The following ATXN7L1 variants were observed in gnomAD, a reference collection of about 807,000 sequenced individuals.
ATXN7L1 encodes the protein ataxin-7-like protein 1.
ATXN7L1 carries 15 observed loss-of-function variants against 70.8 expected under a neutral mutation model. The ratio of observed to expected loss-of-function variants is 0.21; its 90% CI spans 0.14 to 0.33. The LOEUF is 0.33. Ranked by LOEUF, ATXN7L1 falls within the 10% of genes least tolerant of loss-of-function variation. The probability of loss-of-function intolerance (pLI) is 1.00; values close to 1 mark genes in which losing one functional copy is unlikely to be tolerated. For synonymous variants in ATXN7L1, 440 were observed against 445.1 expected (o/e 0.99, Z 0.14); for missense variants, 975 against 1,097.1 (o/e 0.89, Z 1.57).
At chr7:105,629,340 C>G (rs1796232546) in intron 7 of ATXN7L1, among the ~76,000 whole-genome samples, 1 of 151,934 alleles carries the variant, frequency 6.6e-6, no homozygotes, top group Admixed American at 6.6e-5. Flanking sequence ...TAGATTCCAC[C>G]TGTAACTGAA....
At chr7:105,798,755 C>T (rs957886050) in intron 2 of ATXN7L1, among the ~76,000 whole-genome samples, 2 of 152,034 alleles carry the variant, frequency 1.3e-5, no homozygotes, top group Admixed American at 6.6e-5. Flanking sequence ...AAATAGCTAC[C>T]CTGAAGTATA....
At chr7:105,643,358 C>T (rs541017643) in intron 4 of ATXN7L1, among the ~76,000 whole-genome samples, 4 of 152,220 alleles carry the variant, frequency 2.6e-5, no homozygotes, top group East Asian at 1.9e-4. Flanking sequence ...GACTGATTAC[C>T]GCCCGTGCTG....
At chr7:105,761,770 G>A (rs904464901) in intron 3 of ATXN7L1, among the ~76,000 whole-genome samples, 6 of 152,136 alleles carry the variant, frequency 3.9e-5, no homozygotes, top group African/African-American at 1.4e-4. Context: ...TGGGGTATTT[G>A]ATTAATCCTT....
intron 3 of ATXN7L1, among the ~76,000 whole-genome samples, chr7:105,771,910 A>C (rs118143559): frequency 0.012 from 1,784 of 152,268 alleles, 18 homozygotes; most frequent in Non-Finnish European, 0.019. Context: ...TACTAATCTA[A>C]TGGAAGGCAG....
chr7:105,621,193 C>T (rs187206975), intron 8 of ATXN7L1, among the ~76,000 whole-genome samples: 99 of 152,250 alleles, frequency 6.5e-4, no homozygotes, highest in Non-Finnish European at 1.2e-3. Context: ...AGCTTTTGCT[C>T]CTGCTGTTCC....
intron 2 of ATXN7L1, among the ~76,000 whole-genome samples, chr7:105,835,336 G>A (rs1237451598): frequency 6.6e-6 from 1 of 151,454 alleles, no homozygotes; most frequent in Non-Finnish European, 1.5e-5. Flanking sequence ...TGTATTTTTT[G>A]TAGAGATGGA....
intron 11 of ATXN7L1, among the ~76,000 whole-genome samples, chr7:105,609,260 C>CTCT (rs1361899836): frequency 3.3e-5 from 5 of 151,952 alleles, no homozygotes; most frequent in Admixed American, 2.0e-4. Flanking sequence ...ACCTCCATCT[C>CTCT]CCGGGTTCAA....
chr7:105,608,165 C>T (rs1422566656), intron 11 of ATXN7L1, among the ~76,000 whole-genome samples: 1 of 152,154 alleles, frequency 6.6e-6, no homozygotes, highest in African/African-American at 2.4e-5. Flanking sequence ...TCCTGGGAGT[C>T]CTCTTTGGGA....
At chr7:105,688,124 T>C (rs1160859860) in intron 3 of ATXN7L1, among the ~76,000 whole-genome samples, 1 of 152,150 alleles carries the variant, frequency 6.6e-6, no homozygotes, top group African/African-American at 2.4e-5. Context: ...AGGTGGCCCA[T>C]GACTCAAGAT....
chr7:105,749,512 A>G (rs2116382242), intron 3 of ATXN7L1, among the ~76,000 whole-genome samples: 1 of 151,466 alleles, frequency 6.6e-6, no homozygotes, highest in South Asian at 2.1e-4. Flanking sequence ...GGCCACTAAG[A>G]GAGGTTGTAT....
chr7:105,820,081 A>T, intron 2 of ATXN7L1: 7 of 362,034 alleles, frequency 1.9e-5, no homozygotes, highest in Non-Finnish European at 2.1e-5. Context: ...AGCTCTCAAG[A>T]CCCATGGACT....
intron 2 of ATXN7L1, 136 bp from the exon 3 acceptor site, chr7:105,788,844 G>C: frequency 1.4e-6 from 1 of 704,202 alleles, no homozygotes; most frequent in Middle Eastern, 2.4e-4. Flanking sequence ...TTACTAACGG[G>C]AACTCGGTTT....
At chr7:105,810,167 G>A (rs1434736935) in intron 2 of ATXN7L1, among the ~76,000 whole-genome samples, 2 of 152,232 alleles carry the variant, frequency 1.3e-5, no homozygotes, top group African/African-American at 4.8e-5. Context: ...TGAAGTCACT[G>A]AGGAAGATGG....
At chr7:105,838,219 T>G (rs1468287987) in intron 2 of ATXN7L1, among the ~76,000 whole-genome samples, 3 of 152,144 alleles carry the variant, frequency 2.0e-5, no homozygotes, top group Non-Finnish European at 4.4e-5. Context: ...CACCAAAGGC[T>G]GGTGGTCTGC....
At chr7:105,675,077 G>A (rs1469160780) in intron 3 of ATXN7L1, among the ~76,000 whole-genome samples, 1 of 151,856 alleles carries the variant, frequency 6.6e-6, no homozygotes, top group East Asian at 1.9e-4. Context: ...GGTAATGTAA[G>A]TTTGGAAAAT....
chr7:105,660,126 G>A (rs1335134430), intron 4 of ATXN7L1, among the ~76,000 whole-genome samples: 2 of 151,686 alleles, frequency 1.3e-5, no homozygotes, highest in Non-Finnish European at 2.9e-5. Flanking sequence ...CAGCCCCTCC[G>A]TACACACCAC....
intron 4 of ATXN7L1, among the ~76,000 whole-genome samples, chr7:105,660,125 C>T (rs1447654322): frequency 1.8e-4 from 28 of 152,100 alleles, no homozygotes; most frequent in African/African-American, 6.0e-4. Flanking sequence ...CCAGCCCCTC[C>T]GTACACACCA....
chr7:105,725,002 T>C (rs563374791), intron 3 of ATXN7L1, among the ~76,000 whole-genome samples: 3 of 152,182 alleles, frequency 2.0e-5, no homozygotes, highest in African/African-American at 7.2e-5. Context: ...TGACTTCTTT[T>C]ATTGGTGCCC....
intron 3 of ATXN7L1, among the ~76,000 whole-genome samples, chr7:105,734,241 C>A (rs1371107590): frequency 6.6e-6 from 1 of 152,210 alleles, no homozygotes; most frequent in African/African-American, 2.4e-5. Flanking sequence ...ATAAAATAAG[C>A]TTTCCACATC....
Sources: allele counts gnomAD v4.1 joint callset (sites outside exome capture counted in the v4.1 genomes callset), GRCh38; gene constraint gnomAD v4.1.1; transcripts MANE v1.5; gene names NCBI Gene and HGNC (gene_info 2026-07-23, HGNC 2026-07-21).